RIT2: variants seen among roughly 807,000 people sequenced by gnomAD.
RIT2 encodes the protein GTP-binding protein Rit2.
Under a neutral mutation model 23.7 loss-of-function variants are expected in RIT2, and 24 were observed. The ratio of observed to expected loss-of-function variants is 1.01; its 90% CI spans 0.73 to 1.43. The LOEUF (loss-of-function observed/expected upper bound fraction) is 1.43, where lower values mean the gene tolerates loss of function less well. RIT2 is among the 40% of genes most tolerant of loss of function. The probability of loss-of-function intolerance (pLI) is 0.00; values close to 1 mark genes in which losing one functional copy is unlikely to be tolerated. For missense variants in RIT2, 236 were observed against 266.9 expected (o/e 0.88, Z 0.81); for synonymous variants, 107 against 91.1 (o/e 1.17, Z -0.99).
chr18:42,941,869 A>G (rs1909609096), intron 3 of RIT2, among the ~76,000 whole-genome samples: 1 of 152,172 alleles, frequency 6.6e-6, no homozygotes, highest in African/African-American at 2.4e-5. Context: ...GGAACTAAAA[A>G]GGAGACAAAC....
At chr18:43,091,845 T>C (rs1446611694) in intron 1 of RIT2, among the ~76,000 whole-genome samples, 1 of 152,080 alleles carries the variant, frequency 6.6e-6, no homozygotes, top group African/African-American at 2.4e-5. Context: ...CTTTCCTTCT[T>C]TAGCAATATT....
intron 4 of RIT2, among the ~76,000 whole-genome samples, chr18:42,771,705 C>T (rs1373947778): frequency 6.6e-6 from 1 of 151,990 alleles, no homozygotes; most frequent in Non-Finnish European, 1.5e-5. Flanking sequence ...AGTTTATTTT[C>T]CAGATAATTT....
intron 1 of RIT2, among the ~76,000 whole-genome samples, chr18:43,070,129 G>C (rs1465743259): frequency 1.3e-5 from 2 of 152,132 alleles, no homozygotes; most frequent in Admixed American, 1.3e-4. Flanking sequence ...AGGAAAATAA[G>C]AGTGGGGGGA....
intron 4 of RIT2, among the ~76,000 whole-genome samples, chr18:42,835,857 A>C (rs992516096): frequency 6.6e-6 from 1 of 152,192 alleles, no homozygotes; most frequent in African/African-American, 2.4e-5. Context: ...TGTCATTTAA[A>C]TAAAAATAGT....
intron 4 of RIT2, among the ~76,000 whole-genome samples, chr18:42,803,101 TAAC>T (rs1444975242): frequency 6.6e-6 from 1 of 152,212 alleles, no homozygotes; most frequent in East Asian, 1.9e-4. Context: ...AAATATTCAT[TAAC>T]AACCACCATA....
At chr18:42,887,781 T>A (rs1908061414) in intron 4 of RIT2, among the ~76,000 whole-genome samples, 1 of 152,134 alleles carries the variant, frequency 6.6e-6, no homozygotes. Context: ...AGTAGGTGAA[T>A]AAACAAACTG....
intron 4 of RIT2, among the ~76,000 whole-genome samples, chr18:42,748,183 A>G (rs1300271834): frequency 6.6e-6 from 1 of 152,056 alleles, no homozygotes; most frequent in Non-Finnish European, 1.5e-5. Context: ...TCCAGAGTCT[A>G]TACATTTGAC....
At chr18:42,779,044 C>G (rs1489207063) in intron 4 of RIT2, among the ~76,000 whole-genome samples, 1 of 152,094 alleles carries the variant, frequency 6.6e-6, no homozygotes, top group African/African-American at 2.4e-5. Flanking sequence ...AGAAGTTTGA[C>G]TGAGATCTTT....
chr18:43,057,602 C>T (rs1337743775), intron 1 of RIT2, among the ~76,000 whole-genome samples: 1 of 151,818 alleles, frequency 6.6e-6, no homozygotes, highest in East Asian at 1.9e-4. Flanking sequence ...TGTGCACGCA[C>T]ATGCATGCAC....
At chr18:43,107,454 CT>C (rs1353629668) in intron 1 of RIT2, among the ~76,000 whole-genome samples, 3 of 152,158 alleles carry the variant, frequency 2.0e-5, no homozygotes, top group Non-Finnish European at 4.4e-5. Context: ...CACAAACACT[CT>C]TTTGTCAGTT....
chr18:43,095,175 C>A (rs955488127), intron 1 of RIT2, among the ~76,000 whole-genome samples: 1 of 152,080 alleles, frequency 6.6e-6, no homozygotes, highest in African/African-American at 2.4e-5. Context: ...TACACTCCCA[C>A]GAACAGTGTA....
chr18:43,021,116 G>T (rs1238706576), intron 2 of RIT2, among the ~76,000 whole-genome samples: 1 of 152,052 alleles, frequency 6.6e-6, no homozygotes. Context: ...CAATTCATCT[G>T]ACAAGGCCTA....
At chr18:42,855,016 T>C (rs2144041382) in intron 4 of RIT2, among the ~76,000 whole-genome samples, 1 of 152,322 alleles carries the variant, frequency 6.6e-6, no homozygotes, top group South Asian at 2.1e-4. Flanking sequence ...ACTTTATTAA[T>C]ACATTTCTAT....
At chr18:43,048,941 A>G (rs969123766) in intron 1 of RIT2, among the ~76,000 whole-genome samples, 2 of 152,208 alleles carry the variant, frequency 1.3e-5, no homozygotes, top group African/African-American at 4.8e-5. Context: ...ATAACCAACA[A>G]TCTGGTTTCT....
At chr18:42,940,085 T>C (rs1210425071) in intron 3 of RIT2, among the ~76,000 whole-genome samples, 1 of 151,542 alleles carries the variant, frequency 6.6e-6, no homozygotes, top group South Asian at 2.1e-4. Flanking sequence ...CCAGGAAAGA[T>C]ACATTTTATG....
At chr18:42,960,649 A>G (rs1910075091) in intron 3 of RIT2, among the ~76,000 whole-genome samples, 1 of 152,164 alleles carries the variant, frequency 6.6e-6, no homozygotes, top group Admixed American at 6.5e-5. Flanking sequence ...CTCAATGATC[A>G]TGAGTCCAAG....
chr18:42,822,018 C>A (rs148107120), intron 4 of RIT2, among the ~76,000 whole-genome samples: 1 of 151,978 alleles, frequency 6.6e-6, no homozygotes, highest in Non-Finnish European at 1.5e-5. Flanking sequence ...GATATAGGAT[C>A]CTAAATTAGT....
At chr18:42,993,557 T>C (rs941772656) in intron 2 of RIT2, among the ~76,000 whole-genome samples, 3 of 152,186 alleles carry the variant, frequency 2.0e-5, no homozygotes, top group African/African-American at 7.2e-5. Context: ...TTCTTAAAAC[T>C]CCCCAACTCT....
At chr18:42,839,045 C>T (rs750903317) in intron 4 of RIT2, among the ~76,000 whole-genome samples, 12 of 152,190 alleles carry the variant, frequency 7.9e-5, no homozygotes, top group Non-Finnish European at 1.8e-4. Context: ...GAAATGCTAA[C>T]ATGACAGAAA....
Sources: allele counts gnomAD v4.1 joint callset (sites outside exome capture counted in the v4.1 genomes callset), GRCh38; gene constraint gnomAD v4.1.1; transcripts MANE v1.5; gene names NCBI Gene and HGNC (gene_info 2026-07-23, HGNC 2026-07-21).